RELL1: variants seen among roughly 807,000 people sequenced by gnomAD.
The protein encoded by RELL1 is RELT-like protein 1.
In RELL1, 10 loss-of-function variants were observed where a neutral mutation model predicts 23.0. The ratio of observed to expected loss-of-function variants is 0.43; its 90% CI spans 0.27 to 0.74. The LOEUF (loss-of-function observed/expected upper bound fraction) is 0.74, where lower values mean the gene tolerates loss of function less well. Among genes scored for constraint, RELL1 ranks in the 30% least tolerant of loss-of-function variants. The pLI, the probability that RELL1 is intolerant of heterozygous loss-of-function variation, is 0.19. For synonymous variants in RELL1, 146 were observed against 146.8 expected (o/e 0.99, Z 0.04); for missense variants, 315 against 364.4 (o/e 0.86, Z 1.10).
intron 1 of RELL1, 61 bp from the exon 2 acceptor site, chr4:37,649,561 ACT>A (rs1247357334): frequency 7.0e-7 from 1 of 1,429,076 alleles, no homozygotes; most frequent in African/African-American, 1.4e-5. Flanking sequence ...AAACCTAATG[ACT>A]CTCAGGTAAT....
At chr4:37,614,630 A>C (rs993373380) in intron 6 of RELL1, among the ~76,000 whole-genome samples, 1 of 152,066 alleles carries the variant, frequency 6.6e-6, no homozygotes, top group African/African-American at 2.4e-5. Context: ...AGAGGGGGAA[A>C]AAAGGTAGAA....
Position 37,663,514 on chromosome 4 carries a change from T to A in RELL1, c.89-14014A>T, listed in dbSNP as rs75182425. ...ATAAAGAATGAGTTGCTACTTTAAT[T>A]GTCAATCGCAGCATTCACACGGGGT... On this transcript the variant is annotated intron_variant, in intron 1 of 6. Transcript: ENST00000454158. Among the ~76,000 whole-genome samples, 3 of 152,352 alleles carry A rather than the reference T, an allele frequency of 2.0e-5. No individual in the cohort carries two copies. The East Asian group carries it at 5.8e-4, about 29-fold the overall frequency.
chr4:37,619,535 G>A (rs192520821), intron 6 of RELL1, among the ~76,000 whole-genome samples: 12 of 152,046 alleles, frequency 7.9e-5, no homozygotes, highest in African/African-American at 2.4e-4. Flanking sequence ...GGGAGGTCTT[G>A]GTTTATATAT....
intron 1 of RELL1, among the ~76,000 whole-genome samples, chr4:37,683,746 A>G (rs1274516784): frequency 1.3e-5 from 2 of 150,920 alleles, no homozygotes; most frequent in Non-Finnish European, 2.9e-5. Flanking sequence ...AGTCAGAGCA[A>G]GACTCTGTCT....
rs947457499 is a variant in RELL1, at chr4:37,634,995, A to T, written c.572T>A (p.Val191Glu). Reference sequence around the variant, plus strand: ...CCGCTTGTGCCTACACCGATGACACACATCCCTCTCGACAACACCGCCCAC... The same window carrying T: ...CCGCTTGTGCCTACACCGATGACACTCATCCCTCTCGACAACACCGCCCAC... ...HTVGGVVERD[V>E]CHRCRHKRWH... is the part of the protein sequence containing the mutation. The change falls in exon 5 of 7, where the codon GTG becomes GAG. Residue 191 changes from valine to glutamate, a missense_variant. Transcript: ENST00000454158. The T allele has an allele frequency of 6.2e-7, 1 of 1,614,120 alleles. No individual in the cohort carries two copies. Among genetic ancestry groups the T allele is most frequent in the African/African-American group, 1.3e-5 (1 of 74,942 alleles).
chr4:37,665,280 C>T (rs1407604323), intron 1 of RELL1: 1 of 456,232 alleles, frequency 2.2e-6, no homozygotes, highest in Admixed American at 2.3e-5. Context: ...ACTGATACAC[C>T]CCACTGCTTC....
chr4:37,593,289 G>A (rs1235483514), intron 6 of RELL1, among the ~76,000 whole-genome samples: 1 of 152,176 alleles, frequency 6.6e-6, no homozygotes, highest in Non-Finnish European at 1.5e-5. Flanking sequence ...GAAGTCTGGA[G>A]TTAGTGATCC....
intron 3 of RELL1, among the ~76,000 whole-genome samples, chr4:37,643,385 G>A (rs1354096440): frequency 6.6e-6 from 1 of 152,166 alleles, no homozygotes; most frequent in Non-Finnish European, 1.5e-5. Flanking sequence ...CCATAAACAA[G>A]AATGTTACCA....
chr4:37,624,321 T>C (rs1719865548), intron 6 of RELL1, among the ~76,000 whole-genome samples: 2 of 152,214 alleles, frequency 1.3e-5, no homozygotes, highest in Admixed American at 6.5e-5. Flanking sequence ...CCTCTGATTT[T>C]TATAATAAAA....
chr4:37,588,662 G>A (rs1009044984), downstream of RELL1: 47 of 550,670 alleles, frequency 8.5e-5, no homozygotes, highest in Admixed American at 3.4e-4. Context: ...ACTCTGAAGC[G>A]GTGATGGAAA....
At chr4:37,629,759 A>T (rs982933494) in intron 6 of RELL1, among the ~76,000 whole-genome samples, 2 of 152,224 alleles carry the variant, frequency 1.3e-5, no homozygotes, top group African/African-American at 4.8e-5. Flanking sequence ...GATTGCTTCC[A>T]GAGCACCTTC....
chr4:37,663,438 G>A (rs1434131231), intron 1 of RELL1, among the ~76,000 whole-genome samples: 1 of 152,176 alleles, frequency 6.6e-6, no homozygotes, highest in East Asian at 1.9e-4. Context: ...AAGCAACAGG[G>A]CTTCAGAAAT....
intron 6 of RELL1, among the ~76,000 whole-genome samples, chr4:37,628,336 C>T (rs1006147946): frequency 6.6e-5 from 10 of 152,054 alleles, no homozygotes; most frequent in African/African-American, 2.4e-4. Context: ...GTGCTTAAGA[C>T]CTTCATCTGC....
intron 1 of RELL1, among the ~76,000 whole-genome samples, chr4:37,671,947 C>G (rs903795588): frequency 6.6e-6 from 1 of 152,090 alleles, no homozygotes; most frequent in African/African-American, 2.4e-5. Context: ...GCATACAACT[C>G]AGATACAGCC....
intron 1 of RELL1, among the ~76,000 whole-genome samples, chr4:37,657,932 T>C (rs956494693): frequency 6.6e-6 from 1 of 151,724 alleles, no homozygotes; most frequent in Non-Finnish European, 1.5e-5. Context: ...CACACACACA[T>C]ATACACACAC....
At chr4:37,610,235 AT>A (rs148317617), downstream of RELL1, among the ~76,000 whole-genome samples, 24 of 151,384 alleles carry the variant, frequency 1.6e-4, no homozygotes, top group East Asian at 3.9e-4. The surrounding 1 kb of genome is among the most constrained non-coding windows in gnomAD (Gnocchi z 4.1). Flanking sequence ...AGATTATCGT[AT>A]TTTTTTTTAG....
In RELL1 at chr4:37,596,736, A is replaced by C. The variant is rs10050050; in HGVS notation, c.*4-5519T>G. Among the ~76,000 whole-genome samples, 24 of 16,498 alleles carry C rather than the reference A, an allele frequency of 1.5e-3. 3 individuals carry two copies. Among genetic ancestry groups the C allele is most frequent in the Non-Finnish European group, 3.0e-3 (20 of 6,662 alleles). The allele number at this position is 16,498 out of a possible 152,430, so 10.8% of individuals were successfully genotyped here. On this transcript the variant is annotated intron_variant, in intron 6 of 6. Transcript: ENST00000314117. ...TATATATATATATATATATATATATATTTTTTTTTTTTTTTTTTTTTTTTT... is the reference window on the plus strand; with the variant it reads ...TATATATATATATATATATATATATCTTTTTTTTTTTTTTTTTTTTTTTTT...
intron 1 of RELL1, among the ~76,000 whole-genome samples, chr4:37,655,976 T>C (rs1281519002): frequency 6.6e-6 from 1 of 152,206 alleles, no homozygotes; most frequent in Non-Finnish European, 1.5e-5. Flanking sequence ...AGAACTACCA[T>C]GTGATCTAGA....
chr4:37,655,117 T>C (rs1721077045), intron 1 of RELL1, among the ~76,000 whole-genome samples: 1 of 152,086 alleles, frequency 6.6e-6, no homozygotes, highest in South Asian at 2.1e-4. Context: ...TTTCAAAATT[T>C]TGCCTCCCGG....
Sources: allele counts gnomAD v4.1 joint callset (sites outside exome capture counted in the v4.1 genomes callset), GRCh38; gene constraint gnomAD v4.1.1; non-coding constraint Gnocchi (gnomAD v3.1); transcripts MANE v1.5; gene names NCBI Gene and HGNC (gene_info 2026-07-23, HGNC 2026-07-21).